The following SLC24A2 variants were observed in gnomAD, a reference collection of about 807,000 sequenced individuals.
SLC24A2 encodes sodium/potassium/calcium exchanger 2.
SLC24A2 carries 36 observed loss-of-function variants against 62.0 expected under a neutral mutation model. The ratio of observed to expected loss-of-function variants is 0.58; its 90% CI spans 0.44 to 0.77. The LOEUF (loss-of-function observed/expected upper bound fraction) is 0.77. Ranked by LOEUF, SLC24A2 falls within the 30% of genes least tolerant of loss-of-function variation. The pLI, the probability that SLC24A2 is intolerant of heterozygous loss-of-function variation, is 0.00. For synonymous variants in SLC24A2, 358 were observed against 294.0 expected (o/e 1.22, Z -2.23); for missense variants, 846 against 817.9 (o/e 1.03, Z -0.42).
At chr9:19,977,879 G>A in the SLC24A2 span, among the ~76,000 whole-genome samples, 71,362 of 151,898 alleles carry the variant, frequency 0.47, 17,680 homozygotes, top group Non-Finnish European at 0.55. Context: ...CAGAATAGTC[G>A]TATGCCCTAA....
At chr9:19,629,813 C>G (rs1039485572) in intron 2 of SLC24A2, among the ~76,000 whole-genome samples, 11 of 152,136 alleles carry the variant, frequency 7.2e-5, no homozygotes, top group African/African-American at 2.7e-4. Context: ...AGGGAAAGAA[C>G]AAGCTCAAAA....
intron 2 of SLC24A2, among the ~76,000 whole-genome samples, chr9:19,766,317 C>T (rs1822513365): frequency 6.6e-6 from 1 of 152,212 alleles, no homozygotes; most frequent in Non-Finnish European, 1.5e-5. Flanking sequence ...CAAACTCATT[C>T]TCTGTCCAGT....
the SLC24A2 span, among the ~76,000 whole-genome samples, chr9:19,812,330 T>A: frequency 6.6e-6 from 1 of 152,242 alleles, no homozygotes; most frequent in East Asian, 1.9e-4. Flanking sequence ...TTGTATTATG[T>A]GTATTGTACA....
chr9:19,956,947 C>T, the SLC24A2 span, among the ~76,000 whole-genome samples: 3 of 152,206 alleles, frequency 2.0e-5, no homozygotes, highest in Admixed American at 6.5e-5. Context: ...TCACCAGACA[C>T]TGCATCTGTG....
At chr9:20,050,715 C>A in the SLC24A2 span, among the ~76,000 whole-genome samples, 1 of 152,124 alleles carries the variant, frequency 6.6e-6, no homozygotes, top group Non-Finnish European at 1.5e-5. Context: ...GTACAATAAG[C>A]AAATATTGGA....
At chr9:19,942,730 A>T in the SLC24A2 span, among the ~76,000 whole-genome samples, 1 of 152,198 alleles carries the variant, frequency 6.6e-6, no homozygotes, top group Non-Finnish European at 1.5e-5. Context: ...GCCCAGGAAG[A>T]TGTCATGTGC....
At chr9:20,157,721 A>G in the SLC24A2 span, among the ~76,000 whole-genome samples, 1 of 151,570 alleles carries the variant, frequency 6.6e-6, no homozygotes, top group African/African-American at 2.4e-5. Flanking sequence ...GGCAGTGAAG[A>G]GAAAAAGAGA....
At chr9:19,842,390 T>C in the SLC24A2 span, among the ~76,000 whole-genome samples, 1 of 152,350 alleles carries the variant, frequency 6.6e-6, no homozygotes, top group East Asian at 1.9e-4. Flanking sequence ...GACTCAGTTA[T>C]GATGTAGTTA....
chr9:20,189,150 G>C, the SLC24A2 span, among the ~76,000 whole-genome samples: 6 of 149,162 alleles, frequency 4.0e-5, no homozygotes, highest in Non-Finnish European at 7.4e-5. Flanking sequence ...TCGGGATGTT[G>C]GTTGGGAAAA....
At chr9:20,066,447 C>G in the SLC24A2 span, among the ~76,000 whole-genome samples, 1 of 152,156 alleles carries the variant, frequency 6.6e-6, no homozygotes, top group Non-Finnish European at 1.5e-5. Context: ...AAGAAGTTGG[C>G]TTAATGCACA....
chr9:19,636,392 T>TCCCTCC (rs1171086209), intron 2 of SLC24A2, among the ~76,000 whole-genome samples: 1 of 102,814 alleles, frequency 9.7e-6, no homozygotes, highest in African/African-American at 4.4e-5. Context: ...TCTTTCTCCC[T>TCCCTCC]CTCTCTCTCT....
At chr9:20,291,872 G>C in the SLC24A2 span, among the ~76,000 whole-genome samples, 342 of 152,176 alleles carry the variant, frequency 2.2e-3, no homozygotes, top group East Asian at 9.3e-3. Context: ...ATCACCCTGT[G>C]GTGGAAGGAC....
At chr9:19,703,813 A>G (rs984642547) in intron 2 of SLC24A2, among the ~76,000 whole-genome samples, 4 of 152,216 alleles carry the variant, frequency 2.6e-5, no homozygotes, top group Non-Finnish European at 4.4e-5. Context: ...CTTATGTGCT[A>G]TGAAGTATGT....
chr9:20,104,723 C>G, the SLC24A2 span, among the ~76,000 whole-genome samples: 1 of 152,160 alleles, frequency 6.6e-6, no homozygotes, highest in South Asian at 2.1e-4. Context: ...AAGGAACAAC[C>G]AGTACCAGCC....
chr9:19,675,937 T>C (rs1356894098), intron 2 of SLC24A2, among the ~76,000 whole-genome samples: 1 of 152,160 alleles, frequency 6.6e-6, no homozygotes, highest in Non-Finnish European at 1.5e-5. Flanking sequence ...CTTCCTGTGG[T>C]CTTTTCCAGT....
chr9:20,141,295 G>A, the SLC24A2 span, among the ~76,000 whole-genome samples: 1 of 151,952 alleles, frequency 6.6e-6, no homozygotes, highest in African/African-American at 2.4e-5. Flanking sequence ...CCCGGCCTAC[G>A]CTCGCTGTCT....
chr9:20,207,325 C>G, the SLC24A2 span, among the ~76,000 whole-genome samples: 1 of 152,182 alleles, frequency 6.6e-6, no homozygotes, highest in Non-Finnish European at 1.5e-5. Flanking sequence ...CCCCTGTAGC[C>G]TCACGACCAC....
chr9:19,714,617 T>C (rs1176909940), intron 2 of SLC24A2, among the ~76,000 whole-genome samples: 1 of 152,140 alleles, frequency 6.6e-6, no homozygotes, highest in Non-Finnish European at 1.5e-5. Flanking sequence ...TTATGAGTCA[T>C]TTGAGTATTA....
rs552841018 is a variant in SLC24A2, at chr9:19,598,994, G to A, written c.1079-1715C>T. On this transcript the variant is annotated intron_variant, in intron 4 of 10. Transcript: ENST00000341998. The stretch of plus-strand genomic sequence containing the variant: ...ACAGAATATGAGTGGCTCTGTGTTT[G>A]CAAAGTTGGATGTAAACTATATTCT... Among the ~76,000 whole-genome samples the A allele has an allele frequency of 2.6e-5, 4 of 152,246 alleles. No homozygotes were observed. In the East Asian group the frequency reaches 7.7e-4, roughly 29 times the overall value.
Sources: gnomAD v4.1 joint callset for allele counts (sites outside exome capture counted in the v4.1 genomes callset) on GRCh38, gnomAD v4.1.1 for gene constraint, MANE v1.5 for transcripts, NCBI Gene and HGNC (gene_info 2026-07-23, HGNC 2026-07-21) for gene names.